The following KCNAB1 variants were observed in gnomAD, a reference collection of about 807,000 sequenced individuals.
KCNAB1 encodes the protein voltage-gated potassium channel subunit beta-1.
KCNAB1 carries 35 observed loss-of-function variants against 64.6 expected under a neutral mutation model. The observed-to-expected ratio is 0.54, with a 90% confidence interval of 0.41 to 0.72. The LOEUF is 0.72. KCNAB1 is among the 30% of genes least tolerant of loss of function. The probability of loss-of-function intolerance (pLI) is 0.00; values close to 1 mark genes in which losing one functional copy is unlikely to be tolerated. For missense variants in KCNAB1, 401 were observed against 512.9 expected, an observed-to-expected ratio of 0.78 and a Z score of 2.11; for synonymous variants, 177 against 183.8, an observed-to-expected ratio of 0.96 and a Z score of 0.30.
chr3:156,247,703 C>G (rs1400212834), intron 1 of KCNAB1, among the ~76,000 whole-genome samples: 1 of 152,126 alleles, frequency 6.6e-6, no homozygotes, highest in Non-Finnish European at 1.5e-5. Flanking sequence ...GCTAGGACTA[C>G]AGGCATGAAC....
chr3:156,374,522 T>A (rs1403016107), intron 1 of KCNAB1, among the ~76,000 whole-genome samples: 1 of 135,434 alleles, frequency 7.4e-6, no homozygotes. Flanking sequence ...ACACCAATAT[T>A]GAGGCTTAAT....
chr3:156,137,792 A>G lies in KCNAB1; in HGVS notation c.275+16906A>G, dbSNP rs192131407. 5.3e-3 allele frequency among the ~76,000 whole-genome samples: 803 copies of G among 150,846 alleles called. 7 individuals are homozygous for G. Among genetic ancestry groups the G allele is most frequent in the African/African-American group, 0.018 (755 of 41,016 alleles). ...ACTGGTCTCGAACTCCTGACCTCAG[A>G]TGATCCACCTACCTCGGCCTCCCAA... On this transcript the variant is annotated intron_variant, in intron 1 of 13. Coordinates refer to ENST00000490337, the MANE Select transcript of KCNAB1 (RefSeq NM_172160.3).
At chr3:156,260,094 C>T (rs569644661) in intron 1 of KCNAB1, among the ~76,000 whole-genome samples, 2 of 152,292 alleles carry the variant, frequency 1.3e-5, no homozygotes, top group South Asian at 4.1e-4. Flanking sequence ...TGCCTTGAAA[C>T]TTCTGTCTAG....
At chr3:156,463,880 T>C (rs1713140778) in intron 6 of KCNAB1, 134 bp downstream of exon 6, 1 of 606,588 alleles carries the variant, frequency 1.6e-6, no homozygotes, top group Non-Finnish European at 2.8e-6. Context: ...TTTTGTTTTT[T>C]TCTCACACTA....
rs1441166514 is a variant in KCNAB1, at chr3:156,402,251, A to G, written c.276-19365A>G. On this transcript the variant is annotated intron_variant, in intron 1 of 13. Coordinates refer to ENST00000490337, the MANE Select transcript of KCNAB1 (RefSeq NM_172160.3). ...GTTTCATAATCCTTCGAGACCTTAA[A>G]TACTATCAGAATCTAGTATCTCTAA... is the stretch of plus-strand genomic sequence containing the variant. Among the ~76,000 whole-genome samples, 5 of 152,342 alleles carry G rather than the reference A, an allele frequency of 3.3e-5. No individual in the cohort carries two copies. In the East Asian group the frequency reaches 9.6e-4, roughly 29 times the overall value.
chr3:156,284,934 C>G (rs938670261), intron 1 of KCNAB1, among the ~76,000 whole-genome samples: 1 of 152,242 alleles, frequency 6.6e-6, no homozygotes, highest in African/African-American at 2.4e-5. Flanking sequence ...CTTCGTCGCT[C>G]TTGCTGGGAG....
At chr3:156,499,668 TA>T (rs1479431695) in intron 8 of KCNAB1, among the ~76,000 whole-genome samples, 2 of 152,308 alleles carry the variant, frequency 1.3e-5, no homozygotes, top group Admixed American at 1.3e-4. Flanking sequence ...GAGAGAAATT[TA>T]AAACTGGCTT....
chr3:156,281,177 G>C (rs1402542507), intron 1 of KCNAB1, among the ~76,000 whole-genome samples: 3 of 146,444 alleles, frequency 2.0e-5, no homozygotes, highest in East Asian at 2.0e-4. Context: ...AGCATGAAGG[G>C]TTGTTGAATT....
chr3:156,326,845 ATTC>A (rs1172428127), intron 1 of KCNAB1, among the ~76,000 whole-genome samples: 3 of 152,046 alleles, frequency 2.0e-5, no homozygotes, highest in East Asian at 1.9e-4. Flanking sequence ...CACCCCATTT[ATTC>A]TTCTTTATAG....
At chr3:156,235,109 T>G (rs959801113) in intron 1 of KCNAB1, among the ~76,000 whole-genome samples, 1 of 152,164 alleles carries the variant, frequency 6.6e-6, no homozygotes, top group African/African-American at 2.4e-5. Context: ...AGATTCAAAG[T>G]CATGTCTCAG....
intron 1 of KCNAB1, chr3:156,143,276 C>A: frequency 6.2e-7 from 1 of 1,613,962 alleles, no homozygotes. Context: ...TGGCACCTAG[C>A]AGTGACCAAG....
chr3:156,253,581 A>G (rs1717948923), intron 1 of KCNAB1, among the ~76,000 whole-genome samples: 1 of 151,898 alleles, frequency 6.6e-6, no homozygotes, highest in Non-Finnish European at 1.5e-5. Flanking sequence ...CCATACACCT[A>G]CTCTTTTCCT....
rs541217032 is a variant in KCNAB1 at position 156,520,247 on chromosome 3, T to G, written c.961-3580T>G. Among the ~76,000 whole-genome samples the G allele has an allele frequency of 3.3e-5, 5 of 152,212 alleles. No homozygotes were observed. In the South Asian group the frequency reaches 8.3e-4, roughly 25 times the overall value. On this transcript the variant is annotated intron_variant, in intron 11 of 13. Coordinates refer to ENST00000490337, the MANE Select transcript of KCNAB1 (RefSeq NM_172160.3). ...ATAGAAATAAATAGTGCAATAAAAT[T>G]TATTGGCAGCTCCTCCCTGTTGATG...
At chr3:156,434,420 A>G (rs1716444785) in intron 2 of KCNAB1, among the ~76,000 whole-genome samples, 1 of 152,254 alleles carries the variant, frequency 6.6e-6, no homozygotes, top group Admixed American at 6.5e-5. Context: ...GACAGCCCAT[A>G]CGGAAGGTAT....
At chr3:156,259,849 A>G (rs776630133) in intron 1 of KCNAB1, among the ~76,000 whole-genome samples, 2 of 152,124 alleles carry the variant, frequency 1.3e-5, no homozygotes, top group African/African-American at 2.4e-5. Context: ...GCCCCATCCC[A>G]CAATGTGGGC....
At chr3:156,342,427 A>G (rs1724180883) in intron 1 of KCNAB1, among the ~76,000 whole-genome samples, 1 of 152,218 alleles carries the variant, frequency 6.6e-6, no homozygotes, top group East Asian at 1.9e-4. Context: ...TCCATGACAC[A>G]CCATATAGTT....
chr3:156,347,047 T>A (rs1724527920), intron 1 of KCNAB1, among the ~76,000 whole-genome samples: 1 of 152,188 alleles, frequency 6.6e-6, no homozygotes, highest in South Asian at 2.1e-4. Flanking sequence ...GTCTGTGGCA[T>A]AAATATGTGA....
intron 8 of KCNAB1, among the ~76,000 whole-genome samples, chr3:156,495,498 G>T (rs1026800745): frequency 1.3e-5 from 2 of 152,148 alleles, no homozygotes; most frequent in African/African-American, 2.4e-5. Flanking sequence ...ACCAGTGATA[G>T]ACTTGATAAA....
intron 1 of KCNAB1, among the ~76,000 whole-genome samples, chr3:156,399,644 T>A (rs1221978943): frequency 6.6e-6 from 1 of 152,074 alleles, no homozygotes; most frequent in Non-Finnish European, 1.5e-5. Flanking sequence ...CCAAATTGCT[T>A]AGAGATGGAA....
Sources: gnomAD v4.1 joint callset for allele counts (sites outside exome capture counted in the v4.1 genomes callset) on GRCh38, gnomAD v4.1.1 for gene constraint, MANE v1.5 for transcripts, NCBI Gene and HGNC (gene_info 2026-07-23, HGNC 2026-07-21) for gene names.